Variants in FRMD4B observed in about 807,000 individuals in gnomAD.
The protein encoded by FRMD4B is FERM domain-containing protein 4B.
FRMD4B carries 74 observed loss-of-function variants against 141.5 expected under a neutral mutation model. That is an observed-to-expected ratio of 0.52 (90% CI 0.43 to 0.63). The LOEUF is 0.63. FRMD4B is among the 30% of genes least tolerant of loss of function. The pLI, the probability that FRMD4B is intolerant of heterozygous loss-of-function variation, is 0.00. For missense variants in FRMD4B, 1,366 were observed against 1,253.4 expected (o/e 1.09, Z -1.36); for synonymous variants, 506 against 467.9 (o/e 1.08, Z -1.05).
chr3:69,358,463 G>A (rs72940730), intron 1 of FRMD4B, among the ~76,000 whole-genome samples: 3,672 of 152,152 alleles, frequency 0.024, 148 homozygotes, highest in African/African-American at 0.083. Flanking sequence ...GGCCAGATCC[G>A]GGGGGCACAT....
chr3:69,349,073 C>T lies in FRMD4B; in HGVS notation c.163-35556G>A, dbSNP rs1011360402. Reference sequence around the variant, plus strand: ...TGACATGATTGTATATTTAGAAAACCTCATTGTCTCAGCCTAAAATCTCCT... The same window carrying T: ...TGACATGATTGTATATTTAGAAAACTTCATTGTCTCAGCCTAAAATCTCCT... On this transcript the variant is annotated intron_variant, in intron 1 of 22. Transcript: ENST00000398540. 3.9e-5 allele frequency among the ~76,000 whole-genome samples: 6 copies of T among 152,298 alleles called. 1 individual carries two copies. The highest frequency in any genetic ancestry group is 1.4e-4 in the African/African-American group (6 of 41,550).
intron 1 of FRMD4B, among the ~76,000 whole-genome samples, chr3:69,347,770 T>G (rs1055756556): frequency 6.6e-6 from 1 of 152,184 alleles, no homozygotes; most frequent in African/African-American, 2.4e-5. Flanking sequence ...AATAAAGATG[T>G]TCTCTGAAAC....
At chr3:69,487,849 T>A (rs1335104288) in intron 1 of FRMD4B, among the ~76,000 whole-genome samples, 1 of 152,216 alleles carries the variant, frequency 6.6e-6, no homozygotes, top group Non-Finnish European at 1.5e-5. Flanking sequence ...TATCTATGTT[T>A]CTTACAGCTT....
At chr3:69,342,446 T>C (rs1430368633) in intron 1 of FRMD4B, among the ~76,000 whole-genome samples, 4 of 152,194 alleles carry the variant, frequency 2.6e-5, no homozygotes, top group Non-Finnish European at 4.4e-5. Flanking sequence ...ATTATGAACA[T>C]TACAGGCCCT....
intron 1 of FRMD4B, among the ~76,000 whole-genome samples, chr3:69,326,135 T>TA (rs1237047327): frequency 6.6e-6 from 1 of 151,148 alleles, no homozygotes; most frequent in East Asian, 1.9e-4. Flanking sequence ...TTTTTTTTTT[T>TA]TTGTAGAGAT....
intron 5 of FRMD4B, among the ~76,000 whole-genome samples, chr3:69,271,202 T>C (rs2093592900): frequency 6.6e-6 from 1 of 152,220 alleles, no homozygotes. Flanking sequence ...ATACAAGTCT[T>C]CCAACTGGAT....
intron 2 of FRMD4B, among the ~76,000 whole-genome samples, chr3:69,409,041 G>T (rs555652012): frequency 6.6e-6 from 1 of 152,302 alleles, no homozygotes; most frequent in East Asian, 1.9e-4. Context: ...TCCTGAGGTT[G>T]TTCGTGAGGA....
chr3:69,181,351 G>A lies in FRMD4B; in HGVS notation c.2399C>T (p.Pro800Leu), dbSNP rs767232151. The part of the protein sequence containing the change: ...NGVYSKSQEP[P>L]SSSYYIAGYT... ...CCCGGCAATGTAGTAACTGGAAGACGGTGGCTCCTGACTCTTTGAGTAAAC... is the reference window on the plus strand; with the variant it reads ...CCCGGCAATGTAGTAACTGGAAGACAGTGGCTCCTGACTCTTTGAGTAAAC... The change falls in exon 21 of 23, where the codon CCG (proline) becomes CTG (leucine). Residue 800 changes from proline (P) to leucine (L), a missense_variant. Physicochemically the swap from Pro to Leu is moderately conservative, Grantham distance 98. Transcript: ENST00000398540. 9 of 1,613,684 alleles carry A rather than the reference G, an allele frequency of 5.6e-6. No individual in the cohort carries two copies. Among genetic ancestry groups the A allele is most frequent in the Admixed American group, 3.3e-5 (2 of 60,002 alleles).
intron 7 of FRMD4B, among the ~76,000 whole-genome samples, chr3:69,239,745 T>A (rs944984528): frequency 6.6e-6 from 1 of 152,124 alleles, no homozygotes; most frequent in African/African-American, 2.4e-5. Flanking sequence ...GATGAAAAAG[T>A]TCTGGAGATT....
intron 11 of FRMD4B, chr3:69,200,462 G>C (rs1389299832): frequency 1.0e-6 from 1 of 993,666 alleles, no homozygotes; most frequent in African/African-American, 1.7e-5. Context: ...AAAAACCTCA[G>C]GGTTCTTCCG....
chr3:69,197,230 C>T (rs2092917181), intron 12 of FRMD4B, among the ~76,000 whole-genome samples, 192 bp from the exon 13 acceptor site: 1 of 152,178 alleles, frequency 6.6e-6, no homozygotes, highest in South Asian at 2.1e-4. Context: ...TAAGTAATCT[C>T]TTTCTGGATA....
intron 1 of FRMD4B, among the ~76,000 whole-genome samples, chr3:69,316,927 G>T (rs1007971412): frequency 7.9e-5 from 12 of 152,184 alleles, no homozygotes; most frequent in Non-Finnish European, 1.6e-4. Context: ...TTCAAGGCCA[G>T]CCTGGCCAAC....
chr3:69,414,653 C>G (rs1351263256), intron 2 of FRMD4B, among the ~76,000 whole-genome samples: 1 of 152,000 alleles, frequency 6.6e-6, no homozygotes, highest in Non-Finnish European at 1.5e-5. Flanking sequence ...TGACGTAAAG[C>G]ACATTTCGAG....
intron 17 of FRMD4B, among the ~76,000 whole-genome samples, chr3:69,190,356 A>T (rs1347702787): frequency 6.6e-6 from 1 of 152,128 alleles, no homozygotes; most frequent in Non-Finnish European, 1.5e-5. Context: ...TCATTTGAAA[A>T]TCTACTCTTA....
chr3:69,389,724 C>T (rs1379357773), upstream of FRMD4B, among the ~76,000 whole-genome samples: 1 of 152,140 alleles, frequency 6.6e-6, no homozygotes, highest in Non-Finnish European at 1.5e-5. Context: ...CAGTGGGTGG[C>T]AACTGAACCC....
At chr3:69,258,349 C>T (rs1413425118) in intron 5 of FRMD4B, among the ~76,000 whole-genome samples, 5 of 152,128 alleles carry the variant, frequency 3.3e-5, no homozygotes, top group Non-Finnish European at 5.9e-5. Context: ...TACATTTTGA[C>T]ATGTGTTTGT....
upstream of FRMD4B, among the ~76,000 whole-genome samples, chr3:69,388,513 G>C (rs945135316): frequency 3.3e-5 from 5 of 152,090 alleles, no homozygotes; most frequent in African/African-American, 9.7e-5. Flanking sequence ...GCTAAAATTA[G>C]AGAACTACAA....
rs2092563494 is a variant in FRMD4B, at chr3:69,169,269, G to A, written c.*2592C>T. On this transcript the variant is annotated 3_prime_UTR_variant, in exon 23 of 23. Coordinates refer to ENST00000398540, the MANE Select transcript of FRMD4B (RefSeq NM_015123.3). ...TTTAATAAATAACGTAGTTTAATTG[G>A]TTTAATACCAATGCGGTTGAGAAAT... is the stretch of plus-strand genomic sequence containing the variant. 6.6e-6 allele frequency among the ~76,000 whole-genome samples: 1 copy of A among 151,184 alleles called. No individual in the cohort carries two copies.
intron 2 of FRMD4B, 133 bp from the exon 3 acceptor site, chr3:69,311,490 G>A: frequency 3.4e-6 from 2 of 588,756 alleles, no homozygotes; most frequent in Non-Finnish European, 6.2e-6. Context: ...CCTTGTTTGT[G>A]GATTAGGTTG....
Sources: gnomAD v4.1 joint callset for allele counts (sites outside exome capture counted in the v4.1 genomes callset) on GRCh38, gnomAD v4.1.1 for gene constraint, MANE v1.5 for transcripts, NCBI Gene and HGNC (gene_info 2026-07-23, HGNC 2026-07-21) for gene names.